Variants in FAM222B observed in about 807,000 individuals in gnomAD.
The protein encoded by FAM222B is family with sequence similarity 222 member B.
A neutral mutation model predicts 38.0 loss-of-function variants in FAM222B; 12 were observed. The ratio of observed to expected loss-of-function variants is 0.32; its 90% CI spans 0.20 to 0.51. The LOEUF is 0.51. Among genes scored for constraint, FAM222B ranks in the 20% least tolerant of loss-of-function variants. The pLI, the probability that FAM222B is intolerant of heterozygous loss-of-function variation, is 0.97. For synonymous variants in FAM222B, 329 were observed against 317.2 expected, an observed-to-expected ratio of 1.04 and a Z score of -0.40; for missense variants, 716 against 754.2, an observed-to-expected ratio of 0.95 and a Z score of 0.59.
intron 1 of FAM222B, among the ~76,000 whole-genome samples, chr17:28,825,375 G>A (rs528274819): frequency 2.5e-4 from 38 of 150,142 alleles, no homozygotes; most frequent in East Asian, 7.9e-4. Context: ...TGGAGGTTAC[G>A]GGGAACCAAG....
At chr17:28,833,850 C>T (rs140163274) in intron 1 of FAM222B, among the ~76,000 whole-genome samples, 3 of 152,254 alleles carry the variant, frequency 2.0e-5, no homozygotes, top group East Asian at 3.9e-4. Flanking sequence ...CCTTCTGAAC[C>T]TTTCTACTCA....
At position 28,820,778 on chromosome 17, in the gene FAM222B, C is replaced by T. The variant is rs373647390; in HGVS notation, c.-41+21904G>A. On this transcript the variant is annotated intron_variant, in intron 1 of 2. Coordinates refer to ENST00000581407, the MANE Select transcript of FAM222B (RefSeq NM_001077498.3). ...CCTCCCGAGTAGCGGGAATTACAGGCGCCTGCCACCACGCCCAGCTAATTT... is the reference window on the plus strand; with the variant it reads ...CCTCCCGAGTAGCGGGAATTACAGGTGCCTGCCACCACGCCCAGCTAATTT... Among the ~76,000 whole-genome samples the T allele has an allele frequency of 6.6e-5, 10 of 151,942 alleles. No individual in the cohort carries two copies. In the South Asian group the frequency reaches 8.3e-4, roughly 13 times the overall value.
chr17:28,838,198 G>C (rs1036798658), intron 1 of FAM222B, among the ~76,000 whole-genome samples: 8 of 152,132 alleles, frequency 5.3e-5, no homozygotes, highest in Admixed American at 1.3e-4. Context: ...CAGGAGAACT[G>C]CTTGAGCCAG....
At chr17:28,829,805 A>C (rs2152608328) in intron 1 of FAM222B, among the ~76,000 whole-genome samples, 1 of 152,252 alleles carries the variant, frequency 6.6e-6, no homozygotes, top group Admixed American at 6.6e-5. Context: ...TTGTGAACAC[A>C]GATTTTTATT....
chr17:28,761,193 G>A (rs749714411), intron 2 of FAM222B, among the ~76,000 whole-genome samples: 8 of 152,198 alleles, frequency 5.3e-5, no homozygotes, highest in Admixed American at 1.3e-4. Flanking sequence ...TCCCATCAGG[G>A]GGCTCAGCGG....
intron 1 of FAM222B, among the ~76,000 whole-genome samples, chr17:28,841,022 CG>C (rs1361976356): frequency 1.3e-5 from 2 of 151,994 alleles, no homozygotes; most frequent in Non-Finnish European, 2.9e-5. Flanking sequence ...TAGCCAGGCA[CG>C]GTGGCTCACG....
intron 2 of FAM222B, among the ~76,000 whole-genome samples, chr17:28,764,743 T>C (rs549107208): frequency 6.6e-6 from 1 of 151,782 alleles, no homozygotes; most frequent in African/African-American, 2.4e-5. Context: ...CAAAACTCTA[T>C]CTAAAAAAAA....
At chr17:28,781,368 A>AATAT (rs145636101) in intron 1 of FAM222B, among the ~76,000 whole-genome samples, 25 of 150,478 alleles carry the variant, frequency 1.7e-4, no homozygotes, top group Middle Eastern at 3.5e-3. Flanking sequence ...TGGCTATTAA[A>AATAT]ATATATATAT....
intron 1 of FAM222B, among the ~76,000 whole-genome samples, chr17:28,825,250 T>C (rs973257727): frequency 1.2e-4 from 18 of 151,736 alleles, no homozygotes; most frequent in Non-Finnish European, 1.5e-5. Flanking sequence ...CTGGGCAACA[T>C]GGTGAAATCT....
intron 1 of FAM222B, among the ~76,000 whole-genome samples, chr17:28,800,863 A>AG: frequency 6.6e-6 from 1 of 151,296 alleles, no homozygotes. Context: ...GAAAAAAAAA[A>AG]AAAAAAAAAA....
intron 1 of FAM222B, among the ~76,000 whole-genome samples, chr17:28,768,793 G>A (rs1450584025): frequency 3.6e-5 from 5 of 138,752 alleles, no homozygotes; most frequent in African/African-American, 5.5e-5. Context: ...CAGAGGCTGC[G>A]CCACTGCACT....
intron 1 of FAM222B, among the ~76,000 whole-genome samples, chr17:28,835,300 G>C (rs2038804489): frequency 6.6e-6 from 1 of 151,970 alleles, no homozygotes; most frequent in Non-Finnish European, 1.5e-5. Context: ...CTCCCAAAGT[G>C]CTGGGATTAC....
At chr17:28,775,274 C>T (rs939421587) in intron 1 of FAM222B, among the ~76,000 whole-genome samples, 3 of 151,798 alleles carry the variant, frequency 2.0e-5, no homozygotes, top group East Asian at 1.9e-4. Context: ...TGGGCCACAC[C>T]GCCCAGCCTC....
At chr17:28,761,655 C>G (rs888976167) in intron 2 of FAM222B, among the ~76,000 whole-genome samples, 3 of 152,100 alleles carry the variant, frequency 2.0e-5, no homozygotes, top group African/African-American at 7.2e-5. Context: ...CTCTGGGAAG[C>G]AGGAAAAGAA....
chr17:28,762,705 G>A lies in FAM222B; in HGVS notation c.83-2829C>T, dbSNP rs183728787. The stretch of plus-strand genomic sequence containing the variant: ...TGTAATCCCAGCACTTTGGGAGGCC[G>A]AGGTGGGTGGATCACGAGGTCAGGA... On this transcript the variant is annotated intron_variant, in intron 2 of 2. Transcript: ENST00000581407. Among the ~76,000 whole-genome samples, 348 of 150,104 alleles carry A rather than the reference G, an allele frequency of 2.3e-3. 1 individual carries two copies. The highest frequency in any genetic ancestry group is 8.1e-3 in the African/African-American group (332 of 40,824).
At chr17:28,840,681 G>A (rs970540931) in intron 1 of FAM222B, among the ~76,000 whole-genome samples, 4 of 152,178 alleles carry the variant, frequency 2.6e-5, no homozygotes, top group Admixed American at 1.3e-4. Context: ...AATGGGCCAA[G>A]CACGGTGGTT....
At chr17:28,775,055 C>G (rs1234884296) in intron 1 of FAM222B, among the ~76,000 whole-genome samples, 1 of 135,192 alleles carries the variant, frequency 7.4e-6, no homozygotes, top group African/African-American at 2.8e-5. Context: ...GGCTGGAGTG[C>G]AGTGGCGCGA....
chr17:28,772,014 G>A (rs376398954), intron 1 of FAM222B, among the ~76,000 whole-genome samples: 4 of 152,122 alleles, frequency 2.6e-5, no homozygotes, highest in Non-Finnish European at 5.9e-5. Flanking sequence ...CCAAGATGGC[G>A]CCACTGAGCT....
At chr17:28,805,309 C>T (rs2037434237) in intron 1 of FAM222B, among the ~76,000 whole-genome samples, 1 of 152,132 alleles carries the variant, frequency 6.6e-6, no homozygotes, top group Non-Finnish European at 1.5e-5. Context: ...CCATGGCAGG[C>T]AGATCACTTG....
Sources: gnomAD v4.1 joint callset for allele counts (sites outside exome capture counted in the v4.1 genomes callset) on GRCh38, gnomAD v4.1.1 for gene constraint, MANE v1.5 for transcripts, NCBI Gene and HGNC (gene_info 2026-07-23, HGNC 2026-07-21) for gene names.